Variants in BAZ2B observed in about 807,000 individuals in gnomAD.
The protein encoded by BAZ2B is bromodomain adjacent to zinc finger domain protein 2B.
BAZ2B carries 91 observed loss-of-function variants against 246.0 expected under a neutral mutation model. That is an observed-to-expected ratio of 0.37 (90% CI 0.31 to 0.44). BAZ2B has a LOEUF of 0.44. Among genes scored for constraint, BAZ2B ranks in the 20% least tolerant of loss-of-function variants. The pLI is 1.00. For missense variants in BAZ2B, 2,332 were observed against 2,533.7 expected, an observed-to-expected ratio of 0.92 and a Z score of 1.71; for synonymous variants, 855 against 860.0, an observed-to-expected ratio of 0.99 and a Z score of 0.10.
intron 2 of BAZ2B, among the ~76,000 whole-genome samples, chr2:159,491,889 G>C (rs982998453): frequency 1.3e-5 from 2 of 151,964 alleles, no homozygotes. Context: ...GCCAACTGTT[G>C]CTGAAGATAG....
At chr2:159,671,716 T>C in the BAZ2B span, among the ~76,000 whole-genome samples, 4 of 152,182 alleles carry the variant, frequency 2.6e-5, no homozygotes, top group African/African-American at 7.2e-5. Flanking sequence ...GATATATTTA[T>C]ATAATGAAGA....
chr2:159,676,740 AAGTTACC>A, the BAZ2B span, among the ~76,000 whole-genome samples: 1 of 151,680 alleles, frequency 6.6e-6, no homozygotes, highest in Non-Finnish European at 1.5e-5. Flanking sequence ...AGTAGATTAG[AAGTTACC>A]AGAGACTGGG....
chr2:159,514,456 C>T (rs770167351), intron 2 of BAZ2B, among the ~76,000 whole-genome samples: 9 of 152,104 alleles, frequency 5.9e-5, no homozygotes, highest in East Asian at 1.9e-4. Context: ...CTTTATAATG[C>T]TATTGCCTGT....
At chr2:159,656,997 A>T in the BAZ2B span, among the ~76,000 whole-genome samples, 2 of 152,086 alleles carry the variant, frequency 1.3e-5, no homozygotes, top group Admixed American at 1.3e-4. Flanking sequence ...AATCTTGTAC[A>T]ACTTACCAAT....
intron 1 of BAZ2B, among the ~76,000 whole-genome samples, chr2:159,572,848 A>G (rs1034102143): frequency 2.0e-5 from 3 of 152,208 alleles, no homozygotes; most frequent in Non-Finnish European, 4.4e-5. Flanking sequence ...TGAAACACAG[A>G]GATTAGCATG....
intron 19 of BAZ2B, 91 bp from the exon 20 acceptor site, chr2:159,395,925 A>G (rs2063956589): frequency 3.6e-6 from 4 of 1,116,796 alleles, no homozygotes; most frequent in Non-Finnish European, 5.2e-6. Flanking sequence ...ACAAAACAAA[A>G]ACTCAGTATA....
intron 27 of BAZ2B, among the ~76,000 whole-genome samples, chr2:159,372,823 A>T (rs1337344618): frequency 2.0e-5 from 3 of 152,228 alleles, no homozygotes; most frequent in Non-Finnish European, 1.5e-5. Flanking sequence ...AAGAAAGAAC[A>T]GCTTATGTCT....
the BAZ2B span, among the ~76,000 whole-genome samples, chr2:159,691,318 C>T: frequency 6.6e-6 from 1 of 152,192 alleles, no homozygotes; most frequent in East Asian, 1.9e-4. Flanking sequence ...CTGCACATAA[C>T]TTTTGACTCC....
the BAZ2B span, among the ~76,000 whole-genome samples, chr2:159,668,885 C>T: frequency 6.6e-6 from 1 of 152,046 alleles, no homozygotes; most frequent in Non-Finnish European, 1.5e-5. Flanking sequence ...GGCGAAACCC[C>T]ATCTCCACTA....
intron 1 of BAZ2B, among the ~76,000 whole-genome samples, chr2:159,562,259 C>T (rs1376772944): frequency 6.6e-6 from 1 of 152,118 alleles, no homozygotes; most frequent in Non-Finnish European, 1.5e-5. Flanking sequence ...TTTCAGACAG[C>T]TAACAAAAGC....
intron 1 of BAZ2B, among the ~76,000 whole-genome samples, chr2:159,561,710 T>C (rs1038272533): frequency 3.9e-5 from 6 of 152,224 alleles, no homozygotes; most frequent in Admixed American, 3.9e-4. Context: ...GTAAATGGTG[T>C]TCCTAAATAT....
intron 25 of BAZ2B, among the ~76,000 whole-genome samples, chr2:159,375,721 G>C (rs1376449892): frequency 1.3e-5 from 2 of 152,170 alleles, no homozygotes; most frequent in Non-Finnish European, 2.9e-5. Flanking sequence ...ATGGATGTAA[G>C]AGATATCACA....
chr2:159,495,894 A>G (rs2081062330), intron 2 of BAZ2B, among the ~76,000 whole-genome samples: 1 of 151,138 alleles, frequency 6.6e-6, no homozygotes, highest in South Asian at 2.1e-4. Context: ...CAGCCTCCCA[A>G]GGACCTGGGA....
rs554385855 is a variant in BAZ2B at position 159,361,953 on chromosome 2, CG to C, written c.4213+11091del. On this transcript the variant is annotated intron_variant, in intron 27 of 36. Coordinates refer to ENST00000392783, the MANE Select transcript of BAZ2B (RefSeq NM_013450.4). The stretch of plus-strand genomic sequence containing the variant: ...GGGAACAACACACACTGGGGCCTGT[CG>C]GGGGGGTGAGGGTCTGGGGGAGGGA... Among the ~76,000 whole-genome samples the C allele has an allele frequency of 3.6e-4, 33 of 91,644 alleles. No homozygotes were observed. In the East Asian group the frequency reaches 7.2e-3, roughly 20 times the overall value. The allele number at this position is 91,644 out of a possible 152,430, so 60.1% of individuals were successfully genotyped here.
intron 6 of BAZ2B, among the ~76,000 whole-genome samples, chr2:159,443,965 C>T (rs780384789): frequency 1.3e-5 from 2 of 152,120 alleles, no homozygotes; most frequent in Non-Finnish European, 1.5e-5. Flanking sequence ...TTTAGCACTA[C>T]TTCTTAAGAG....
chr2:159,620,479 A>C (rs1241185492), upstream of BAZ2B, among the ~76,000 whole-genome samples: 1 of 152,204 alleles, frequency 6.6e-6, no homozygotes, highest in Admixed American at 6.5e-5. Flanking sequence ...TCACATTATA[A>C]AGATACAAAT....
intron 1 of BAZ2B, among the ~76,000 whole-genome samples, chr2:159,612,222 TTTC>T (rs1481672005): frequency 6.6e-6 from 1 of 152,100 alleles, no homozygotes; most frequent in Non-Finnish European, 1.5e-5. Context: ...AATTATTTCT[TTTC>T]TTTTGTGATT....
chr2:159,497,193 G>A (rs888010433), intron 2 of BAZ2B, among the ~76,000 whole-genome samples: 1 of 152,206 alleles, frequency 6.6e-6, no homozygotes, highest in African/African-American at 2.4e-5. Flanking sequence ...GGAGTAGTGA[G>A]AGGGGTACAA....
At chr2:159,360,777 A>AG (rs1304309635) in intron 27 of BAZ2B, among the ~76,000 whole-genome samples, 1 of 152,238 alleles carries the variant, frequency 6.6e-6, no homozygotes, top group African/African-American at 2.4e-5. Context: ...AACAGAACAG[A>AG]GGCCTCAGAA....
Sources: gnomAD v4.1 joint callset for allele counts (sites outside exome capture counted in the v4.1 genomes callset) on GRCh38, gnomAD v4.1.1 for gene constraint, MANE v1.5 for transcripts, NCBI Gene and HGNC (gene_info 2026-07-23, HGNC 2026-07-21) for gene names.